B3GAT1: variants seen among roughly 807,000 people sequenced by gnomAD.
B3GAT1 encodes beta-1,3-glucuronyltransferase 1.
B3GAT1 carries 11 observed loss-of-function variants against 28.4 expected under a neutral mutation model. The ratio of observed to expected loss-of-function variants is 0.39; its 90% confidence interval spans 0.24 to 0.64. The LOEUF (loss-of-function observed/expected upper bound fraction) is 0.64. Ranked by LOEUF, B3GAT1 falls within the 30% of genes least tolerant of loss-of-function variation. The pLI is 0.50. For missense variants in B3GAT1, 375 were observed against 491.0 expected (o/e 0.76, Z 2.23); for synonymous variants, 255 against 223.1 (o/e 1.14, Z -1.27).
chr11:134,404,007 ATATATATATATATATATATATATT>A (rs1252284732), intron 1 of B3GAT1, among the ~76,000 whole-genome samples: 1 of 94,790 alleles, frequency 1.1e-5, no homozygotes, highest in African/African-American at 3.8e-5. Context: ...ATATATATAT[ATATATATATATATATATATATATT>A]TATTATACGT....
Position 134,383,767 on chromosome 11 carries a change from G to A in B3GAT1, c.534C>T (p.Arg178=). Residue 178 remains arginine (R), a synonymous_variant, in exon 3 of 6, where the codon CGC becomes CGT. Transcript: ENST00000312527. ...GGCTGGAGTTGCGCGGGAAGGTCTC[G>A]CGCAGCCAGCGCAGGGCCAGGTTGC... The part of the protein sequence containing the change: ...MQRNLALRWL[R]ETFPRNSSQP... 4 of 1,594,650 alleles carry A rather than the reference G, an allele frequency of 2.5e-6. No individual in the cohort carries two copies. The highest frequency in any genetic ancestry group is 3.4e-6 in the Non-Finnish European group (4 of 1,170,006).
intron 1 of B3GAT1, among the ~76,000 whole-genome samples, chr11:134,407,303 AC>A (rs1054922516): frequency 2.6e-5 from 4 of 152,086 alleles, no homozygotes; most frequent in African/African-American, 9.7e-5. Context: ...GAAGGAGAGG[AC>A]CCCAGCCCAC....
rs1303171803 is a variant in B3GAT1 at position 134,381,067 on chromosome 11, A to G, written c.*15-320T>C. Among the ~76,000 whole-genome samples the G allele has an allele frequency of 2.0e-5, 3 of 152,202 alleles. No homozygotes were observed. In the East Asian group the frequency reaches 5.8e-4, roughly 29 times the overall value. On this transcript the variant is annotated intron_variant, in intron 5 of 5. Transcript: ENST00000312527. The stretch of plus-strand genomic sequence containing the variant: ...AGGACAAATGTCTGTCTCAGGCCTC[A>G]ACCTCTGTTTGGCATAACCTAGAGT...
rs541311769 is a variant in B3GAT1 at position 134,402,194 on chromosome 11, A to T, written c.-282+9613T>A. On this transcript the variant is annotated intron_variant, in intron 1 of 5. Coordinates refer to ENST00000312527, the MANE Select transcript of B3GAT1 (RefSeq NM_054025.3). ...CCTGCTTCTTCAGGTGGGGAGACTG[A>T]GGTTTGGAACTGACACACTGAGCTA... Among the ~76,000 whole-genome samples, 3 of 152,172 alleles carry T rather than the reference A, an allele frequency of 2.0e-5. No individual in the cohort carries two copies. The South Asian group carries it at 6.2e-4, about 32-fold the overall frequency.
At chr11:134,388,245 C>G in intron 1 of B3GAT1, 1 of 240,616 alleles carries the variant, frequency 4.2e-6, no homozygotes, top group Non-Finnish European at 8.6e-6. Context: ...AAGACCTTTG[C>G]CAAGTCATTT....
chr11:134,402,338 T>C (rs919047794), intron 1 of B3GAT1, among the ~76,000 whole-genome samples: 4 of 152,116 alleles, frequency 2.6e-5, no homozygotes, highest in African/African-American at 9.7e-5. Context: ...GGACCGGTGA[T>C]TTCAGAGATT....
At chr11:134,403,996 TA>T (rs1175412896) in intron 1 of B3GAT1, among the ~76,000 whole-genome samples, 1 of 73,840 alleles carries the variant, frequency 1.4e-5, no homozygotes, top group Non-Finnish European at 2.9e-5. Flanking sequence ...TATATATATA[TA>T]TATATATATA....
chr11:134,405,147 C>T (rs974090636), intron 1 of B3GAT1, among the ~76,000 whole-genome samples: 13 of 152,210 alleles, frequency 8.5e-5, no homozygotes, highest in Admixed American at 3.3e-4. Context: ...AGCAACTCCA[C>T]GGGGGTGGCA....
chr11:134,390,013 C>T (rs551296080), intron 1 of B3GAT1: 1 of 152,280 alleles, frequency 6.6e-6, no homozygotes, highest in Non-Finnish European at 1.5e-5. Flanking sequence ...GAGGCCCACT[C>T]CATCCAGAGA....
At position 134,402,900 on chromosome 11, in the gene B3GAT1, G is replaced by A. The variant is rs1401956126; in HGVS notation, c.-282+8907C>T. Among the ~76,000 whole-genome samples the A allele has an allele frequency of 1.3e-4, 19 of 148,924 alleles. 1 individual carries two copies. The highest frequency in any genetic ancestry group is 4.0e-4 in the African/African-American group (16 of 39,670). On this transcript the variant is annotated intron_variant, in intron 1 of 5. Transcript: ENST00000312527. ...TGCACTCCAGCCTGGGCAACAGAGCGAGACTCTGTTTCAAAAAAAAAAAAA... is the reference window on the plus strand; with the variant it reads ...TGCACTCCAGCCTGGGCAACAGAGCAAGACTCTGTTTCAAAAAAAAAAAAA...
At position 134,387,776 on chromosome 11, in the gene B3GAT1, G is replaced by T; in HGVS notation, c.-117C>A. 6.5e-7 allele frequency: 1 copy of T among 1,545,574 alleles called. No homozygotes were observed. Among genetic ancestry groups the T allele is most frequent in the South Asian group, 1.2e-5 (1 of 84,110 alleles). On this transcript the variant is annotated 5_prime_UTR_variant, in exon 2 of 6. Transcript: ENST00000312527. ...GAAAAGAACAGGCATGGGCCGGGCC[G>T]GCCAGGCATGGAGAGGACAGAGCAG...
intron 1 of B3GAT1, among the ~76,000 whole-genome samples, chr11:134,398,243 G>A (rs900847980): frequency 1.3e-4 from 20 of 152,326 alleles, no homozygotes; most frequent in African/African-American, 4.8e-4. Flanking sequence ...GTGTCTGCAC[G>A]CTCTTAGCTG....
intron 1 of B3GAT1, among the ~76,000 whole-genome samples, chr11:134,409,056 G>A (rs905611612): frequency 1.5e-4 from 23 of 152,208 alleles, no homozygotes; most frequent in African/African-American, 5.6e-4. Flanking sequence ...GGGGGTGAGG[G>A]TGTATAAAAT....
chr11:134,394,627 G>T (rs899985036), intron 1 of B3GAT1, among the ~76,000 whole-genome samples: 2 of 152,244 alleles, frequency 1.3e-5, no homozygotes, highest in Non-Finnish European at 2.9e-5. Flanking sequence ...CATGGAGGAA[G>T]AGTGGCAAGC....
intron 1 of B3GAT1, among the ~76,000 whole-genome samples, chr11:134,400,059 C>T (rs551102503): frequency 4.6e-5 from 7 of 152,242 alleles, no homozygotes; most frequent in Non-Finnish European, 1.0e-4. Context: ...TTTCCCTTGG[C>T]GCTGTTGTCT....
In B3GAT1 at chr11:134,411,087, C is replaced by T. The variant is rs996799399; in HGVS notation, c.-282+720G>A. ...TTGACCTTAGCTGCTTGGTACGGGG[C>T]TGTCACCTCCTTACCCTGGCACTGT... On this transcript the variant is annotated intron_variant, in intron 1 of 5. Transcript: ENST00000312527. This position sits in a 1 kb window ranked among gnomAD's most constrained non-coding sequence, Gnocchi z 6.0. 6.6e-6 allele frequency among the ~76,000 whole-genome samples: 1 copy of T among 152,214 alleles called. No individual in the cohort carries two copies. Among genetic ancestry groups the T allele is most frequent in the African/African-American group, 2.4e-5 (1 of 41,450 alleles).
intron 1 of B3GAT1, among the ~76,000 whole-genome samples, chr11:134,404,252 T>C (rs528115270): frequency 6.6e-6 from 1 of 151,546 alleles, no homozygotes; most frequent in East Asian, 2.0e-4. Flanking sequence ...TTCCCACCTA[T>C]GAGTGAGAAC....
At chr11:134,400,066 G>A (rs1944580319) in intron 1 of B3GAT1, among the ~76,000 whole-genome samples, 1 of 152,144 alleles carries the variant, frequency 6.6e-6, no homozygotes, top group African/African-American at 2.4e-5. Flanking sequence ...TGGCGCTGTT[G>A]TCTCTGTGGT....
intron 1 of B3GAT1, among the ~76,000 whole-genome samples, chr11:134,392,713 ATAAGGAC>A (rs1356056919): frequency 6.6e-6 from 1 of 152,098 alleles, no homozygotes; most frequent in Non-Finnish European, 1.5e-5. Flanking sequence ...TGCGCTGTGA[ATAAGGAC>A]TAGGGGGTGT....
Sources: gnomAD v4.1 joint callset for allele counts (sites outside exome capture counted in the v4.1 genomes callset) on GRCh38, gnomAD v4.1.1 for gene constraint, Gnocchi (gnomAD v3.1) non-coding constraint, MANE v1.5 for transcripts, NCBI Gene and HGNC (gene_info 2026-07-23, HGNC 2026-07-21) for gene names.